SAR1B: variants seen among roughly 807,000 people sequenced by gnomAD.
SAR1B encodes secretion associated Ras related GTPase 1B, also known as small COPII coat GTPase SAR1B.
SAR1B carries 23 observed loss-of-function variants against 26.8 expected under a neutral mutation model. That is an observed-to-expected ratio of 0.86 (90% CI 0.62 to 1.22). The LOEUF is 1.22. Among genes scored for constraint, SAR1B ranks in the 50% most tolerant of loss-of-function variants. The probability of loss-of-function intolerance (pLI) is 0.00; values close to 1 mark genes in which losing one functional copy is unlikely to be tolerated. For synonymous variants in SAR1B, 65 were observed against 80.8 expected (o/e 0.80, Z 1.05); for missense variants, 196 against 232.8 (o/e 0.84, Z 1.03).
At chr5:134,610,548 C>T (rs1251840451) in intron 4 of SAR1B, among the ~76,000 whole-genome samples, 1 of 115,578 alleles carries the variant, frequency 8.7e-6, no homozygotes, top group African/African-American at 3.4e-5. Flanking sequence ...GCCTGGGTGA[C>T]AGAGAGAGAC....
At position 134,612,641 on chromosome 5, in the gene SAR1B, TAAAAAAAAAAAAAAAAAAAAAAA is replaced by T. The variant is rs34365859; in HGVS notation, c.244+27_244+49del. ...GCCTGGGAGACAGAGTGAGCCTGTC[TAAAAAAAAAAAAAAAAAAAAAAA>T]AAAAAAAAAAAAAAAAAGAATCTTA... is the stretch of plus-strand genomic sequence containing the variant. On this transcript the variant is annotated intron_variant, in intron 4 of 6. Coordinates refer to ENST00000402673, the MANE Select transcript of SAR1B (RefSeq NM_016103.4). 1,095 of 767,742 alleles carry T rather than the reference TAAAAAAAAAAAAAAAAAAAAAAA, an allele frequency of 1.4e-3. 3 individuals carry two copies. Among genetic ancestry groups the T allele is most frequent in the South Asian group, 2.7e-3 (133 of 48,584 alleles). The allele number at this position is 767,742 out of a possible 1,614,324, so 47.6% of individuals were successfully genotyped here.
chr5:134,611,696 G>A (rs1438933381), intron 4 of SAR1B, among the ~76,000 whole-genome samples: 2 of 152,152 alleles, frequency 1.3e-5, no homozygotes, highest in East Asian at 3.8e-4. Flanking sequence ...AAGTATAGCT[G>A]AGAGCACTCC....
At chr5:134,632,319 G>A (rs934086764) in intron 1 of SAR1B, 37 of 152,198 alleles carry the variant, frequency 2.4e-4, no homozygotes, top group African/African-American at 8.9e-4. Context: ...ACCAGTACTA[G>A]TAAGGAAGCT....
chr5:134,626,537 G>A (rs1765497373), intron 1 of SAR1B, among the ~76,000 whole-genome samples: 1 of 152,126 alleles, frequency 6.6e-6, no homozygotes, highest in East Asian at 1.9e-4. Context: ...TCAAGAACAA[G>A]GAAACATACA....
At chr5:134,616,331 A>G (rs1765316498) in intron 3 of SAR1B, among the ~76,000 whole-genome samples, 1 of 150,524 alleles carries the variant, frequency 6.6e-6, no homozygotes, top group South Asian at 2.1e-4. Flanking sequence ...CAGCTACTCG[A>G]GAGGCTGAGG....
At chr5:134,607,595 A>G (rs1434884406) in intron 6 of SAR1B, among the ~76,000 whole-genome samples, 1 of 152,014 alleles carries the variant, frequency 6.6e-6, no homozygotes, top group East Asian at 1.9e-4. Flanking sequence ...CAACATGGAG[A>G]AACCCCGTCT....
chr5:134,626,949 T>G (rs556295644), intron 1 of SAR1B, among the ~76,000 whole-genome samples: 21 of 152,362 alleles, frequency 1.4e-4, no homozygotes, highest in African/African-American at 4.6e-4. Flanking sequence ...GTATATCAAC[T>G]ATATCTCAAA....
At chr5:134,618,359 C>T (rs907309719) in intron 3 of SAR1B, 2 of 152,124 alleles carry the variant, frequency 1.3e-5, no homozygotes, top group African/African-American at 2.4e-5. Flanking sequence ...ATTTCCTTTT[C>T]CAACCTCACT....
chr5:134,612,739 T>C lies in SAR1B; in HGVS notation c.196A>G (p.Ile66Val), dbSNP rs775978809. 7 of 1,551,310 alleles carry C rather than the reference T, an allele frequency of 4.5e-6. No individual in the cohort carries two copies. Among genetic ancestry groups the C allele is most frequent in the Admixed American group, 1.8e-5 (1 of 56,148 alleles). The change falls in exon 4 of 7, where the codon ATT (isoleucine) becomes GTT (valine). Residue 66 changes from isoleucine (I) to valine (V), a missense_variant. Transcript: ENST00000402673. ...TLHPTSEELT[I>V]AGMTFTTFDL... The stretch of plus-strand genomic sequence containing the variant: ...AAAGTTGTAAACGTCATGCCAGCAA[T>C]GGTCAGTTCTTCGGAAGCTAAATAA...
Position 134,612,679 on chromosome 5 carries a change from A to AAAAAAAAT in SAR1B, c.244+11_244+12insATTTTTTT. ...AAAAAAAAAAAAAAAAAAAAAAAAA[A>AAAAAAAAT]AAGAATCTTACCTTGAACATGTCCA... On this transcript the variant is annotated intron_variant, in intron 4 of 6. Transcript: ENST00000402673. 14 of 991,742 alleles carry AAAAAAAAT rather than the reference A, an allele frequency of 1.4e-5. No individual in the cohort carries two copies. Among genetic ancestry groups the AAAAAAAAT allele is most frequent in the South Asian group, 2.2e-5 (1 of 45,288 alleles). The allele number at this position is 991,742 out of a possible 1,614,324, so 61.4% of individuals were successfully genotyped here. A position where few individuals can be genotyped will look rare whatever the true frequency, so the allele number is the denominator to read the frequency against.
At chr5:134,612,642 A>G (rs543247872) in intron 4 of SAR1B, 49 bp downstream of exon 4, 6 of 179,608 alleles carry the variant, frequency 3.3e-5, no homozygotes, top group Admixed American at 2.5e-4. Context: ...GAGCCTGTCT[A>G]AAAAAAAAAA....
Position 134,606,782 on chromosome 5 carries a change from GAATC to G in SAR1B, c.*164_*167del. The G allele has an allele frequency of 3.1e-6, 2 of 635,874 alleles. No individual in the cohort carries two copies. Among genetic ancestry groups the G allele is most frequent in the Non-Finnish European group, 5.7e-6 (2 of 348,458 alleles). 39.4% of individuals were successfully genotyped at this position (635,874 alleles called of 1,614,324 possible). On this transcript the variant is annotated 3_prime_UTR_variant, in exon 7 of 7. Transcript: ENST00000402673. ...AACATTGTGATACTCAAACTTACTT[GAATC>G]AGTTTTCAATTCTCATTCAAATTAA...
intron 1 of SAR1B, among the ~76,000 whole-genome samples, chr5:134,627,345 C>T (rs368246419): frequency 2.6e-5 from 4 of 151,516 alleles, no homozygotes; most frequent in Admixed American, 1.3e-4. Context: ...GCCACCGCGC[C>T]CCGCCACTTT....
In SAR1B at chr5:134,606,424, A is replaced by C. The variant is rs180982312; in HGVS notation, c.*526T>G. On this transcript the variant is annotated 3_prime_UTR_variant, in exon 7 of 7. Transcript: ENST00000402673. ...CATTTAAATGAAACATTTGCCCAAC[A>C]AGGATGCCAAACATTAGAGTTTGTT... The C allele has an allele frequency of 6.0e-6, 1 of 166,526 alleles. No homozygotes were observed. Among genetic ancestry groups the C allele is most frequent in the African/African-American group, 2.4e-5 (1 of 41,666 alleles). The allele number at this position is 166,526 out of a possible 1,614,324, so 10.3% of individuals were successfully genotyped here. A position where few individuals can be genotyped will look rare whatever the true frequency, so the allele number is the denominator to read the frequency against.
intron 3 of SAR1B, among the ~76,000 whole-genome samples, chr5:134,620,082 G>A (rs182687041): frequency 3.0e-3 from 456 of 151,996 alleles, no homozygotes; most frequent in Non-Finnish European, 5.3e-3. Flanking sequence ...CGAGGAAGGC[G>A]GATCACAAGG....
rs1455612582 is a variant in SAR1B, at chr5:134,605,163, C to G, written c.*1787G>C. 6.6e-6 allele frequency: 1 copy of G among 152,190 alleles called. No homozygotes were observed. The highest frequency in any genetic ancestry group is 1.9e-4 in the East Asian group (1 of 5,202). The allele number at this position is 152,190 out of a possible 1,614,324, so 9.4% of individuals were successfully genotyped here. On this transcript the variant is annotated 3_prime_UTR_variant, in exon 7 of 7. Coordinates refer to ENST00000402673, the MANE Select transcript of SAR1B (RefSeq NM_016103.4). ...TCCAGTCATATTCCTCAATCCTTAT[C>G]TGCTTCATAGGTTATATTATCAATG... is the stretch of plus-strand genomic sequence containing the variant.
intron 3 of SAR1B, chr5:134,613,728 A>C (rs1354826958): frequency 6.6e-6 from 1 of 152,252 alleles, no homozygotes. Context: ...TATGGCTGAC[A>C]TAAGACAGTC....
At chr5:134,620,875 T>C in intron 3 of SAR1B, 58 bp downstream of exon 3, 1 of 1,595,142 alleles carries the variant, frequency 6.3e-7, no homozygotes, top group African/African-American at 1.3e-5. Flanking sequence ...TTTTGGTTAG[T>C]GCATATGACT....
intron 5 of SAR1B, chr5:134,609,125 A>G (rs2150049947): frequency 4.4e-6 from 2 of 457,070 alleles, no homozygotes; most frequent in Non-Finnish European, 8.8e-6. Context: ...CCTTTACAAA[A>G]TATCTGACCT....
Sources: allele counts gnomAD v4.1 joint callset (sites outside exome capture counted in the v4.1 genomes callset), GRCh38; gene constraint gnomAD v4.1.1; transcripts MANE v1.5; gene names NCBI Gene and HGNC (gene_info 2026-07-23, HGNC 2026-07-21).